The following MYO3B variants were observed in gnomAD, a reference collection of about 807,000 sequenced individuals.
The protein encoded by MYO3B is myosin-IIIb.
MYO3B carries 156 observed loss-of-function variants against 174.6 expected under a neutral mutation model. That is an observed-to-expected ratio of 0.89 (90% CI 0.78 to 1.02). The LOEUF (loss-of-function observed/expected upper bound fraction) is 1.02. Among genes scored for constraint, MYO3B ranks in the 50% least tolerant of loss-of-function variants. MYO3B has a pLI of 0.00. For missense variants in MYO3B, 1,632 were observed against 1,639.4 expected, an observed-to-expected ratio of 1.00 and a Z score of 0.08; for synonymous variants, 563 against 569.1, an observed-to-expected ratio of 0.99 and a Z score of 0.15.
At chr2:170,529,586 C>T (rs1689217497) in intron 30 of MYO3B, among the ~76,000 whole-genome samples, 1 of 152,130 alleles carries the variant, frequency 6.6e-6, no homozygotes, top group Non-Finnish European at 1.5e-5. Context: ...ATCCCTCATC[C>T]CCTTCCTGCA....
intron 25 of MYO3B, among the ~76,000 whole-genome samples, chr2:170,473,135 TTTTC>T (rs1685083625): frequency 3.9e-5 from 5 of 128,254 alleles, no homozygotes; most frequent in South Asian, 2.5e-4. Flanking sequence ...TTTCTTTTTC[TTTTC>T]TTTTTTTTTT....
At chr2:170,458,197 C>T (rs1684021040) in intron 23 of MYO3B, among the ~76,000 whole-genome samples, 1 of 152,180 alleles carries the variant, frequency 6.6e-6, no homozygotes, top group African/African-American at 2.4e-5. Context: ...ACCAAATCAC[C>T]ACAAACACAT....
chr2:170,391,101 C>G (rs1399415541), intron 14 of MYO3B, among the ~76,000 whole-genome samples: 2 of 152,110 alleles, frequency 1.3e-5, no homozygotes, highest in African/African-American at 4.8e-5. Context: ...ATTCTGCTCC[C>G]TAACCTGCTG....
In MYO3B at chr2:170,178,150, T is replaced by C; in HGVS notation, c.-138T>C. On this transcript the variant is annotated 5_prime_UTR_variant, in exon 1 of 35. Transcript: ENST00000408978. Reference sequence around the variant, plus strand: ...AGGCTAACACCTCTTGGAACCTAGATCGAAAGTCCTTTGGTAATGATGTGT... The same window carrying C: ...AGGCTAACACCTCTTGGAACCTAGACCGAAAGTCCTTTGGTAATGATGTGT... 1 of 1,059,614 alleles carries C rather than the reference T, an allele frequency of 9.4e-7. No individual in the cohort carries two copies. The highest frequency in any genetic ancestry group is 1.7e-5 in the Admixed American group (1 of 58,258). The allele number at this position is 1,059,614 out of a possible 1,614,324, so 65.6% of individuals were successfully genotyped here.
intron 7 of MYO3B, among the ~76,000 whole-genome samples, chr2:170,282,584 T>C (rs1179148194): frequency 6.6e-6 from 1 of 152,240 alleles, no homozygotes; most frequent in East Asian, 1.9e-4. Context: ...CTTTGGCTTT[T>C]CAGGCTCTTT....
At chr2:170,221,976 A>G (rs1423729411) in intron 6 of MYO3B, among the ~76,000 whole-genome samples, 1 of 152,230 alleles carries the variant, frequency 6.6e-6, no homozygotes, top group Non-Finnish European at 1.5e-5. Flanking sequence ...CATGGAGACT[A>G]TTTAGGAGAT....
Position 170,653,698 on chromosome 2 carries a change from G to A in MYO3B, c.*577G>A, listed in dbSNP as rs1314180570. 1 of 152,228 alleles carries A rather than the reference G, an allele frequency of 6.6e-6. No homozygotes were observed. Among genetic ancestry groups the A allele is most frequent in the Admixed American group, 6.5e-5 (1 of 15,276 alleles). The allele number at this position is 152,228 out of a possible 1,614,324, so 9.4% of individuals were successfully genotyped here. A position where few individuals can be genotyped will look rare whatever the true frequency, so the allele number is the denominator to read the frequency against. On this transcript the variant is annotated 3_prime_UTR_variant, in exon 35 of 35. Transcript: ENST00000408978. ...TAATTGCCTGTGTTTAGGCAGATAGGCCTAAATCTTTCAGATTCTTTCTAC... is the reference window on the plus strand; with the variant it reads ...TAATTGCCTGTGTTTAGGCAGATAGACCTAAATCTTTCAGATTCTTTCTAC...
At chr2:170,587,583 T>C (rs1484779991) in intron 32 of MYO3B, among the ~76,000 whole-genome samples, 1 of 152,204 alleles carries the variant, frequency 6.6e-6, no homozygotes, top group Non-Finnish European at 1.5e-5. Context: ...ATCGGCTTTA[T>C]TGAAAATAAT....
chr2:170,269,419 A>G (rs1230529341), intron 7 of MYO3B, among the ~76,000 whole-genome samples: 1 of 151,948 alleles, frequency 6.6e-6, no homozygotes, highest in Non-Finnish European at 1.5e-5. Flanking sequence ...TTATGCTTCC[A>G]TTTTTTTTCC....
intron 25 of MYO3B, among the ~76,000 whole-genome samples, chr2:170,467,999 C>T (rs972802828): frequency 6.6e-6 from 1 of 151,726 alleles, no homozygotes; most frequent in African/African-American, 2.4e-5. Flanking sequence ...TGTTTGAATA[C>T]ATAAAAATAT....
At chr2:170,360,252 A>G (rs569743064) in intron 8 of MYO3B, among the ~76,000 whole-genome samples, 1 of 152,168 alleles carries the variant, frequency 6.6e-6, no homozygotes, top group Non-Finnish European at 1.5e-5. Flanking sequence ...GGCAAGTAGG[A>G]TCATGGGAAG....
chr2:170,591,302 A>G (rs1203682751), intron 32 of MYO3B, among the ~76,000 whole-genome samples: 1 of 152,236 alleles, frequency 6.6e-6, no homozygotes, highest in Admixed American at 6.5e-5. Flanking sequence ...CAGGAGGCCT[A>G]AAACTCTTGG....
At chr2:170,498,972 AAT>A (rs1687054852) in intron 26 of MYO3B, among the ~76,000 whole-genome samples, 1 of 152,168 alleles carries the variant, frequency 6.6e-6, no homozygotes, top group Non-Finnish European at 1.5e-5. Flanking sequence ...TTCTTTTCTC[AAT>A]GCTGCTTATT....
chr2:170,374,741 A>C (rs11903433), intron 9 of MYO3B, among the ~76,000 whole-genome samples: 80,310 of 146,890 alleles, frequency 0.55, 21,976 homozygotes, highest in South Asian at 0.66. Flanking sequence ...CTCTCTCTAT[A>C]TATATATATG....
intron 32 of MYO3B, among the ~76,000 whole-genome samples, chr2:170,612,792 A>G (rs2105297904): frequency 1.3e-5 from 2 of 152,318 alleles, no homozygotes; most frequent in Admixed American, 1.3e-4. Context: ...AGGCTTTGTT[A>G]AATTCCCTAA....
At chr2:170,600,699 T>C (rs550736614) in intron 32 of MYO3B, among the ~76,000 whole-genome samples, 4 of 152,370 alleles carry the variant, frequency 2.6e-5, no homozygotes, top group Non-Finnish European at 4.4e-5. Flanking sequence ...GGCAGTCTTA[T>C]ATTCTAAGCT....
intron 32 of MYO3B, among the ~76,000 whole-genome samples, chr2:170,584,308 T>C (rs199772058): frequency 7.5e-6 from 1 of 132,534 alleles, no homozygotes; most frequent in Non-Finnish European, 1.5e-5. Context: ...AGTTTTTTAA[T>C]TTTTTTTTTC....
chr2:170,572,845 T>C (rs1692530187), intron 32 of MYO3B, among the ~76,000 whole-genome samples: 1 of 152,208 alleles, frequency 6.6e-6, no homozygotes, highest in South Asian at 2.1e-4. Flanking sequence ...AATCTCCACC[T>C]GGTTTCTCAC....
chr2:170,180,909 G>A (rs1323934482), intron 1 of MYO3B, among the ~76,000 whole-genome samples: 1 of 151,996 alleles, frequency 6.6e-6, no homozygotes, highest in Non-Finnish European at 1.5e-5. Flanking sequence ...TGTATATTTG[G>A]CATTCTTTCC....
Sources: gnomAD v4.1 joint callset for allele counts (sites outside exome capture counted in the v4.1 genomes callset) on GRCh38, gnomAD v4.1.1 for gene constraint, MANE v1.5 for transcripts, NCBI Gene and HGNC (gene_info 2026-07-23, HGNC 2026-07-21) for gene names.